Variants in ACSS1 observed in about 807,000 individuals in gnomAD.
ACSS1 encodes acetyl-coenzyme A synthetase 2-like, mitochondrial.
In ACSS1, 42 loss-of-function variants were observed where a neutral mutation model predicts 75.3. That is an observed-to-expected ratio of 0.56 (90% CI 0.44 to 0.72). ACSS1 has a LOEUF of 0.72. Ranked by LOEUF, ACSS1 falls within the 30% of genes least tolerant of loss-of-function variation. The pLI, the probability that ACSS1 is intolerant of heterozygous loss-of-function variation, is 0.00. For synonymous variants in ACSS1, 380 were observed against 376.8 expected, an observed-to-expected ratio of 1.01 and a Z score of -0.10; for missense variants, 782 against 935.7, an observed-to-expected ratio of 0.84 and a Z score of 2.14.
rs369324509 is a variant in ACSS1, at chr20:25,007,914, A to T, written c.1918T>A (p.Ser640Thr). 1 of 1,614,062 alleles carries T rather than the reference A, an allele frequency of 6.2e-7. No individual in the cohort carries two copies. Among genetic ancestry groups the T allele is most frequent in the Non-Finnish European group, 8.5e-7 (1 of 1,179,990 alleles). The part of the protein sequence containing the change: ...LVVKRLPKTR[S>T]GKVMRRLLRK... ...AGGAGCCGCCGCATGACCTTCCCAG[A>T]CCTGGTTTTTGGAAGACGTTTCACC... The change falls in exon 14 of 14, where the codon TCT (serine) becomes ACT (threonine). Residue 640 changes from serine to threonine, a missense_variant. Physicochemically the swap from Ser to Thr is moderately conservative, Grantham distance 58 (BLOSUM62 1). Around this residue, in one of 2 missense-constraint regions of ACSS1, gnomAD observed 405 missense variants for 552.6 expected, o/e 0.73. Coordinates refer to ENST00000323482, the MANE Select transcript of ACSS1 (RefSeq NM_032501.4).
chr20:25,042,745 A>G (rs1256129406), intron 2 of ACSS1, among the ~76,000 whole-genome samples: 5 of 151,552 alleles, frequency 3.3e-5, no homozygotes, highest in Non-Finnish European at 7.4e-5. Context: ...TGAAATCACC[A>G]CCCACCCACT....
At chr20:25,024,472 C>T (rs1359992483) in intron 3 of ACSS1, among the ~76,000 whole-genome samples, 4 of 152,226 alleles carry the variant, frequency 2.6e-5, no homozygotes, top group Admixed American at 1.3e-4. Context: ...CCAGCTGTGA[C>T]CCTGACTGGC....
At chr20:25,016,311 G>A (rs1325335042) in intron 7 of ACSS1, among the ~76,000 whole-genome samples, 1 of 152,182 alleles carries the variant, frequency 6.6e-6, no homozygotes, top group East Asian at 1.9e-4. Flanking sequence ...TGGGGACTAG[G>A]AATTTCTGTA....
Position 25,030,939 on chromosome 20 carries a change from A to C in ACSS1, c.451T>G (p.Cys151Gly), listed in dbSNP as rs1340022525. 6.2e-7 allele frequency: 1 copy of C among 1,614,056 alleles called. No individual in the cohort carries two copies. Among genetic ancestry groups the C allele is most frequent in the Non-Finnish European group, 8.5e-7 (1 of 1,180,030 alleles). The change falls in exon 3 of 14, where the codon TGC (cysteine) becomes GGC (glycine). Residue 151 changes from cysteine to glycine, a missense_variant. By Grantham distance (159) the Cys-to-Gly change is radical. Around this residue, in one of 2 missense-constraint regions of ACSS1, gnomAD observed 377 missense variants for 383.1 expected, o/e 0.98. Coordinates refer to ENST00000323482, the MANE Select transcript of ACSS1 (RefSeq NM_032501.4). ...CTCTTCAGCGTGTTGGCCAGGCGGC[A>C]CGTGGTCTCCAGTAGTTCCCTGCAG... ...ITYRELLETT[C>G]RLANTLKRHG...
At chr20:25,032,351 C>T (rs762736603) in intron 2 of ACSS1, 76 of 1,340,342 alleles carry the variant, frequency 5.7e-5, no homozygotes, top group Non-Finnish European at 6.7e-5. Context: ...TGGGAGCAGG[C>T]GAGAGCCGCC....
chr20:25,028,338 C>G (rs6115008), intron 3 of ACSS1, among the ~76,000 whole-genome samples: 2 of 152,186 alleles, frequency 1.3e-5, no homozygotes, highest in Non-Finnish European at 2.9e-5. Context: ...GGGAGACTCA[C>G]GCTTCCTGGT....
chr20:25,053,947 G>C (rs1304088011), intron 1 of ACSS1, among the ~76,000 whole-genome samples: 1 of 152,212 alleles, frequency 6.6e-6, no homozygotes, highest in Non-Finnish European at 1.5e-5. Flanking sequence ...CTGACATCTT[G>C]AGTTGATATG....
At chr20:25,019,869 C>G in intron 7 of ACSS1, 141 bp downstream of exon 7, 1 of 1,264,372 alleles carries the variant, frequency 7.9e-7, no homozygotes, top group Non-Finnish European at 1.1e-6. Flanking sequence ...CTGGTGCTTT[C>G]TACCAGATCC....
intron 3 of ACSS1, among the ~76,000 whole-genome samples, chr20:25,028,704 G>A (rs1031849291): frequency 6.6e-6 from 1 of 152,144 alleles, no homozygotes; most frequent in Non-Finnish European, 1.5e-5. Context: ...GGCGGATCAC[G>A]AGGTCAAGAG....
Position 25,023,541 on chromosome 20 carries a change from G to C in ACSS1, c.732C>G (p.Thr244=). ...TGTGAGCCACCAGGACATGCTGCAC[G>C]GTGGGGCAGTGCTTCACAGCCTCAT... ...IVDEAVKHCP[T]VQHVLVAHRT... The change falls in exon 4 of 14, where the codon ACC becomes ACG. Residue 244 remains threonine, a synonymous_variant. Transcript: ENST00000323482. The C allele has an allele frequency of 8.1e-6, 13 of 1,614,118 alleles. No individual in the cohort carries two copies. Among genetic ancestry groups the C allele is most frequent in the Non-Finnish European group, 1.1e-5 (13 of 1,180,018 alleles).
chr20:25,019,236 A>T (rs1887901759), intron 7 of ACSS1, among the ~76,000 whole-genome samples: 1 of 152,222 alleles, frequency 6.6e-6, no homozygotes, highest in African/African-American at 2.4e-5. Context: ...CAGGGACAGG[A>T]GAGAGAACAG....
At chr20:25,028,442 A>G (rs2088766055) in intron 3 of ACSS1, among the ~76,000 whole-genome samples, 1 of 152,244 alleles carries the variant, frequency 6.6e-6, no homozygotes, top group African/African-American at 2.4e-5. Context: ...AATAGGATAG[A>G]GAGCCCAGAA....
chr20:25,021,620 T>C (rs1178216089), intron 5 of ACSS1, 84 bp from the exon 6 acceptor site: 8 of 1,535,172 alleles, frequency 5.2e-6, no homozygotes, highest in Admixed American at 3.7e-5. Flanking sequence ...TAGGCATGCA[T>C]AGGCTGCAGT....
At chr20:25,021,076 A>G (rs6106985) in intron 6 of ACSS1, among the ~76,000 whole-genome samples, 19,203 of 152,222 alleles carry the variant, frequency 0.13, 1,483 homozygotes, top group African/African-American at 0.21. Flanking sequence ...GATCTGGGCA[A>G]GCAGCCTAGA....
At chr20:25,012,551 A>G (rs1485067350) in intron 12 of ACSS1, 50 bp downstream of exon 12, 1 of 1,604,616 alleles carries the variant, frequency 6.2e-7, no homozygotes, top group South Asian at 1.1e-5. Flanking sequence ...GGTGCCCATA[A>G]TGGGTGTGGG....
chr20:25,039,322 C>T (rs1025835326), intron 2 of ACSS1, among the ~76,000 whole-genome samples: 2 of 152,242 alleles, frequency 1.3e-5, no homozygotes, highest in African/African-American at 4.8e-5. Context: ...ATCAGAACCA[C>T]TCCTATTGCA....
intron 1 of ACSS1, among the ~76,000 whole-genome samples, chr20:25,052,409 C>T (rs560577506): frequency 2.6e-5 from 4 of 152,336 alleles, no homozygotes; most frequent in African/African-American, 9.6e-5. Context: ...ACCTGTCCTT[C>T]GCCTCTCAGA....
At chr20:25,023,769 A>G in intron 3 of ACSS1, 128 bp from the exon 4 acceptor site, 2 of 933,794 alleles carry the variant, frequency 2.1e-6, no homozygotes, top group Non-Finnish European at 3.1e-6. Flanking sequence ...TAAAAGACTC[A>G]ATGGAAAAAG....
chr20:25,020,265 G>T, intron 6 of ACSS1, 118 bp from the exon 7 acceptor site: 1 of 1,414,220 alleles, frequency 7.1e-7, no homozygotes, highest in Non-Finnish European at 9.7e-7. Context: ...ATGTCCATAT[G>T]AAAGGGATCC....
Sources: gnomAD v4.1 joint callset for allele counts (sites outside exome capture counted in the v4.1 genomes callset) on GRCh38, gnomAD v4.1.1 for gene constraint, gnomAD v4.1.1 regional missense constraint, MANE v1.5 for transcripts, NCBI Gene and HGNC (gene_info 2026-07-23, HGNC 2026-07-21) for gene names.